ATG2B: variants seen among roughly 807,000 people sequenced by gnomAD.
ATG2B encodes autophagy-related protein 2 homolog B.
A neutral mutation model predicts 241.3 loss-of-function variants in ATG2B; 121 were observed. That is an observed-to-expected ratio of 0.50 (90% CI 0.43 to 0.58). The LOEUF (loss-of-function observed/expected upper bound fraction) is 0.58. ATG2B is among the 20% of genes least tolerant of loss of function. The pLI, the probability that ATG2B is intolerant of heterozygous loss-of-function variation, is 0.00. For missense variants in ATG2B, 2,306 were observed against 2,491.6 expected, an observed-to-expected ratio of 0.93 and a Z score of 1.59; for synonymous variants, 858 against 876.6, an observed-to-expected ratio of 0.98 and a Z score of 0.37.
At chr14:96,302,740 T>C (rs1056521462) in intron 33 of ATG2B, among the ~76,000 whole-genome samples, 7 of 152,210 alleles carry the variant, frequency 4.6e-5, no homozygotes, top group Non-Finnish European at 1.0e-4. Flanking sequence ...GAAAGAATCA[T>C]TTCTACCTTA....
chr14:96,309,373 C>T (rs1346393033), intron 29 of ATG2B, 80 bp downstream of exon 29: 4 of 1,493,362 alleles, frequency 2.7e-6, no homozygotes, highest in African/African-American at 2.8e-5. Context: ...TAATAAGTGA[C>T]TTATTAAATT....
At position 96,323,932 on chromosome 14, in the gene ATG2B, C is replaced by A. The variant is rs1210723979; in HGVS notation, c.2504G>T (p.Gly835Val). ...AAAGTCATCTGACGATGTTGTATCT[C>A]CATCTACTCCACTAGACACATGGAA... ...KFFHVSSGVD[G>V]DTTSSDDFDW... is the part of the protein sequence containing the mutation. Residue 835 changes from glycine (G) to valine (V), a missense_variant, in exon 16 of 42, where the codon GGA (glycine) becomes GTA (valine). Physicochemically the swap from Gly to Val is moderately radical, Grantham distance 109 (BLOSUM62 -3). This residue lies in a region of ATG2B where 1,927 missense variants were observed against 2,011.2 expected (regional missense o/e 0.96). Coordinates refer to ENST00000359933, the MANE Select transcript of ATG2B (RefSeq NM_018036.7). 1 of 1,612,146 alleles carries A rather than the reference C, an allele frequency of 6.2e-7. No homozygotes were observed. Among genetic ancestry groups the A allele is most frequent in the East Asian group, 2.2e-5 (1 of 44,788 alleles).
At position 96,305,674 on chromosome 14, in the gene ATG2B, C is replaced by A. The variant is rs1414037652; in HGVS notation, c.4648G>T (p.Val1550Leu). ...HFPIPVIRYV[V>L]KEVSLVWHLY... ...TGCCAGACAAGAGAGACCTCCTTCA[C>A]CACATAGCGAATCACAGGAATGGGA... is the stretch of plus-strand genomic sequence containing the variant. Residue 1550 changes from valine (V) to leucine (L), a missense_variant, in exon 31 of 42, where the codon GTG (valine) becomes TTG (leucine). Val to Leu is a conservative substitution (Grantham distance 32). This residue lies in a region of ATG2B where 1,927 missense variants were observed against 2,011.2 expected (regional missense o/e 0.96). Coordinates refer to ENST00000359933, the MANE Select transcript of ATG2B (RefSeq NM_018036.7). 1.2e-6 allele frequency: 2 copies of A among 1,614,190 alleles called. No homozygotes were observed. Among genetic ancestry groups the A allele is most frequent in the Non-Finnish European group, 1.7e-6 (2 of 1,180,026 alleles).
rs369516281 is a variant in ATG2B at position 96,311,294 on chromosome 14, A to G, written c.3991-7T>C. On this transcript the variant is annotated splice_polypyrimidine_tract_variant and splice_region_variant and intron_variant, in intron 27 of 41. Coordinates refer to ENST00000359933, the MANE Select transcript of ATG2B (RefSeq NM_018036.7). ...ACTCAAAGCGGGGCTCAGTCTGGAC[A>G]AGACACAGAAAAAGGGATGAAAATG... is the stretch of plus-strand genomic sequence containing the variant. The G allele has an allele frequency of 6.3e-7, 1 of 1,595,984 alleles. No homozygotes were observed. The highest frequency in any genetic ancestry group is 8.5e-7 in the Non-Finnish European group (1 of 1,172,790).
intron 29 of ATG2B, among the ~76,000 whole-genome samples, chr14:96,308,280 A>G (rs374382790): frequency 2.1e-4 from 6 of 28,610 alleles, no homozygotes; most frequent in East Asian, 6.3e-4. Flanking sequence ...ATATATATAT[A>G]TATTTTTTTT....
At chr14:96,321,917 C>T (rs1023698916) in intron 18 of ATG2B, among the ~76,000 whole-genome samples, 195 bp downstream of exon 18, 1 of 152,068 alleles carries the variant, frequency 6.6e-6, no homozygotes, top group Non-Finnish European at 1.5e-5. Flanking sequence ...CTCACACACC[C>T]GGCACCACGC....
rs1402938925 is a variant in ATG2B, at chr14:96,279,403, A to AAT, written c.*6351_*6352insAT. Reference sequence around the variant, plus strand: ...ACTAGATGACCACTCGGGTTCACTCACTCATTCATTCATTCATTCACTCAT... The same window carrying AAT: ...ACTAGATGACCACTCGGGTTCACTCAATCTCATTCATTCATTCATTCACTCAT... On this transcript the variant is annotated 3_prime_UTR_variant, in exon 42 of 42. Transcript: ENST00000359933. 8.8e-6 allele frequency: 1 copy of AAT among 113,366 alleles called. No homozygotes were observed. Among genetic ancestry groups the AAT allele is most frequent in the Non-Finnish European group, 1.8e-5 (1 of 56,766 alleles). 7.0% of individuals were successfully genotyped at this position (113,366 alleles called of 1,614,324 possible).
intron 2 of ATG2B, 67 bp downstream of exon 2, chr14:96,347,112 A>C: frequency 7.4e-7 from 1 of 1,345,884 alleles, no homozygotes; most frequent in Non-Finnish European, 9.9e-7. Context: ...AATTTAAGGT[A>C]ATCAGGTTAC....
At chr14:96,354,932 T>G (rs1177491487) in intron 1 of ATG2B, among the ~76,000 whole-genome samples, 1 of 152,248 alleles carries the variant, frequency 6.6e-6, no homozygotes, top group African/African-American at 2.4e-5. Context: ...GTTGGTCACA[T>G]GTATGTTGTC....
chr14:96,341,950 G>A (rs1289645281), intron 5 of ATG2B, among the ~76,000 whole-genome samples: 1 of 152,114 alleles, frequency 6.6e-6, no homozygotes, highest in South Asian at 2.1e-4. Flanking sequence ...ATCTGTTCAA[G>A]TTACAGCAGT....
intron 1 of ATG2B, among the ~76,000 whole-genome samples, chr14:96,360,097 G>C (rs1888584240): frequency 6.6e-6 from 1 of 152,142 alleles, no homozygotes; most frequent in Admixed American, 6.5e-5. Flanking sequence ...TAGAATCTTT[G>C]TAAAGAGAAA....
At chr14:96,324,220 A>G in intron 15 of ATG2B, 3 of 508,334 alleles carry the variant, frequency 5.9e-6, no homozygotes, top group South Asian at 5.0e-5. Flanking sequence ...ACCAAGGTAC[A>G]CTGCATAAAG....
intron 1 of ATG2B, among the ~76,000 whole-genome samples, chr14:96,352,573 G>GT (rs1039377999): frequency 8.0e-5 from 12 of 150,526 alleles, no homozygotes; most frequent in African/African-American, 2.2e-4. Flanking sequence ...CCTAGGCTGT[G>GT]TTTTTTTGCG....
chr14:96,305,093 A>G (rs1886901649), intron 31 of ATG2B, among the ~76,000 whole-genome samples: 4 of 152,142 alleles, frequency 2.6e-5, no homozygotes, highest in Admixed American at 2.6e-4. Context: ...CCCCACCTCA[A>G]TAAGGAAGTC....
chr14:96,336,815 T>C (rs970885562), intron 6 of ATG2B, among the ~76,000 whole-genome samples: 1 of 152,214 alleles, frequency 6.6e-6, no homozygotes, highest in African/African-American at 2.4e-5. Flanking sequence ...CATAATCTTT[T>C]GACTACCTGT....
rs764419051 is a variant in ATG2B at position 96,301,992 on chromosome 14, G to A, written c.5139+15C>T. The A allele has an allele frequency of 3.0e-5, 48 of 1,588,316 alleles. No homozygotes were observed. In the South Asian group the frequency reaches 3.9e-4, roughly 13 times the overall value. On this transcript the variant is annotated intron_variant, in intron 34 of 41. Transcript: ENST00000359933. ...ATCTAACTGTAACGGCAGGAATCAC[G>A]CTCATGCTACAAACCTGGTCAATAT...
chr14:96,328,310 T>C, intron 14 of ATG2B, 37 bp downstream of exon 14: 1 of 1,471,372 alleles, frequency 6.8e-7, no homozygotes, highest in African/African-American at 1.4e-5. Context: ...TAGCTAACCA[T>C]AATTATGATT....
chr14:96,304,853 A>C (rs1886894160), intron 31 of ATG2B, among the ~76,000 whole-genome samples: 1 of 152,150 alleles, frequency 6.6e-6, no homozygotes, highest in Non-Finnish European at 1.5e-5. Flanking sequence ...GGAAAAGCTA[A>C]TTATGATGCT....
chr14:96,293,110 T>C (rs563353154), intron 36 of ATG2B: 1 of 152,334 alleles, frequency 6.6e-6, no homozygotes, highest in Admixed American at 6.5e-5. Context: ...TGATCTGGCT[T>C]CCAAAAGTTG....
Sources: gnomAD v4.1 joint callset for allele counts (sites outside exome capture counted in the v4.1 genomes callset) on GRCh38, gnomAD v4.1.1 for gene constraint, gnomAD v4.1.1 regional missense constraint, MANE v1.5 for transcripts, NCBI Gene and HGNC (gene_info 2026-07-23, HGNC 2026-07-21) for gene names.